Variants in SEMA4D observed in about 807,000 individuals in gnomAD.
The protein encoded by SEMA4D is semaphorin-4D.
SEMA4D carries 22 observed loss-of-function variants against 74.8 expected under a neutral mutation model. That is an observed-to-expected ratio of 0.29 (90% CI 0.21 to 0.42). SEMA4D has a LOEUF of 0.42. Ranked by LOEUF, SEMA4D falls within the 10% of genes least tolerant of loss-of-function variation. The probability of loss-of-function intolerance (pLI) is 1.00; values close to 1 mark genes in which losing one functional copy is unlikely to be tolerated. For synonymous variants in SEMA4D, 445 were observed against 463.7 expected (o/e 0.96, Z 0.52); for missense variants, 937 against 1,118.4 (o/e 0.84, Z 2.31).
chr9:89,400,440 G>A (rs1258322776), intron 4 of SEMA4D, among the ~76,000 whole-genome samples: 1 of 152,238 alleles, frequency 6.6e-6, no homozygotes, highest in Non-Finnish European at 1.5e-5. Flanking sequence ...TGTAGCAGGT[G>A]TCAGGACTCA....
chr9:89,423,806 T>G (rs893565479), intron 2 of SEMA4D, among the ~76,000 whole-genome samples: 1 of 105,612 alleles, frequency 9.5e-6, no homozygotes, highest in Non-Finnish European at 1.9e-5. Flanking sequence ...CTCCCTCCAC[T>G]AATCCCTCAG....
intron 2 of SEMA4D, among the ~76,000 whole-genome samples, chr9:89,442,557 C>T (rs1445089408): frequency 6.6e-6 from 1 of 152,176 alleles, no homozygotes; most frequent in African/African-American, 2.4e-5. Context: ...AATAAACCAT[C>T]TGCCTGGCCG....
chr9:89,449,683 G>A (rs933004790), intron 2 of SEMA4D: 69 of 1,511,378 alleles, frequency 4.6e-5, no homozygotes, highest in Non-Finnish European at 6.0e-5. Context: ...TCTAGCTCAG[G>A]TGTGTCAGTA....
chr9:89,479,204 A>G (rs1862544717), intron 1 of SEMA4D, among the ~76,000 whole-genome samples: 1 of 152,268 alleles, frequency 6.6e-6, no homozygotes, highest in African/African-American at 2.4e-5. Flanking sequence ...GGGAAGCCAC[A>G]TTGGGGGTCA....
intron 7 of SEMA4D, among the ~76,000 whole-genome samples, chr9:89,393,357 G>A (rs1051871676): frequency 3.3e-5 from 5 of 152,234 alleles, no homozygotes; most frequent in Admixed American, 6.5e-5. Context: ...ACAAAGTGAC[G>A]TTTACCATGG....
intron 1 of SEMA4D, among the ~76,000 whole-genome samples, chr9:89,483,733 G>A (rs1365344004): frequency 9.8e-6 from 1 of 101,692 alleles, no homozygotes; most frequent in Non-Finnish European, 2.2e-5. Flanking sequence ...GTGCATCTGT[G>A]TGCTGTGTGT....
chr9:89,456,908 T>C (rs1317177328), intron 1 of SEMA4D, among the ~76,000 whole-genome samples: 2 of 152,162 alleles, frequency 1.3e-5, no homozygotes, highest in East Asian at 1.9e-4. Flanking sequence ...TTTTAAATAA[T>C]GTCAGAAGTA....
intron 2 of SEMA4D, among the ~76,000 whole-genome samples, chr9:89,424,398 G>A (rs1243206631): frequency 6.6e-6 from 1 of 152,092 alleles, no homozygotes; most frequent in African/African-American, 2.4e-5. Flanking sequence ...AAACCATGAT[G>A]GTTTACTCTG....
At position 89,484,610 on chromosome 9, in the gene SEMA4D, G is replaced by A. The variant is rs1825009897; in HGVS notation, c.-310+13309C>T. 6.6e-6 allele frequency among the ~76,000 whole-genome samples: 1 copy of A among 151,368 alleles called. No individual in the cohort carries two copies. The highest frequency in any genetic ancestry group is 1.5e-5 in the Non-Finnish European group (1 of 67,820). ...TGTGTGTAGTATGGGGTGTTCCGTGGTGTGATGTGCGGTGTATGTATGCAG... is the reference window on the plus strand; with the variant it reads ...TGTGTGTAGTATGGGGTGTTCCGTGATGTGATGTGCGGTGTATGTATGCAG... On this transcript the variant is annotated intron_variant, in intron 1 of 15. Transcript: ENST00000422704. The surrounding 1 kb of genome is among the most constrained non-coding windows in gnomAD (Gnocchi z 4.1).
intron 13 of SEMA4D, chr9:89,385,129 C>T (rs930393337): frequency 1.5e-5 from 14 of 912,476 alleles, no homozygotes; most frequent in African/African-American, 1.8e-5. Context: ...TGGGAGATGG[C>T]GGGTGGGCAC....
In SEMA4D at chr9:89,409,063, G is replaced by A. The variant is rs376079906; in HGVS notation, c.-243-3364C>T. Among the ~76,000 whole-genome samples, 33 of 152,294 alleles carry A rather than the reference G, an allele frequency of 2.2e-4. No individual in the cohort carries two copies. In the East Asian group the frequency reaches 3.5e-3, roughly 16 times the overall value. ...GGGCAGGCGAGTGGGTATACAAACC[G>A]CTACATCCAGACAGGGGAACGTTAC... On this transcript the variant is annotated intron_variant, in intron 2 of 15. Transcript: ENST00000422704.
At chr9:89,450,094 G>A in intron 2 of SEMA4D, 2 of 1,238,264 alleles carry the variant, frequency 1.6e-6, no homozygotes, top group East Asian at 2.3e-5. Flanking sequence ...TTATTTAACT[G>A]CATGCCAATA....
chr9:89,458,827 C>A (rs1564864046), intron 1 of SEMA4D, among the ~76,000 whole-genome samples: 1 of 152,044 alleles, frequency 6.6e-6, no homozygotes, highest in Non-Finnish European at 1.5e-5. Context: ...CACACTCATA[C>A]ACACACGGAT....
At chr9:89,380,420 C>T (rs925056671) in intron 15 of SEMA4D, among the ~76,000 whole-genome samples, 1 of 152,210 alleles carries the variant, frequency 6.6e-6, no homozygotes, top group African/African-American at 2.4e-5. Context: ...GAGCCTTGAA[C>T]CCCTGGGCAC....
chr9:89,406,227 A>C (rs1843302978), intron 2 of SEMA4D, among the ~76,000 whole-genome samples: 1 of 152,158 alleles, frequency 6.6e-6, no homozygotes, highest in South Asian at 2.1e-4. Flanking sequence ...ACACACATGC[A>C]CGGATGTACA....
rs373564317 is a variant in SEMA4D, at chr9:89,388,890, G to A, written c.932C>T (p.Ala311Val). Residue 311 changes from alanine (A) to valine (V), a missense_variant, in exon 10 of 16, where the codon GCA becomes GTA. By Grantham distance (64) the Ala-to-Val change is moderately conservative. Coordinates refer to ENST00000422704, the MANE Select transcript of SEMA4D (RefSeq NM_001371194.2). ...CACTTACAGCTGTGGGGTGAAGAGTGCATAGAACACAGGCACCTTCAGGCC... is the reference window on the plus strand; with the variant it reads ...CACTTACAGCTGTGGGGTGAAGAGTACATAGAACACAGGCACCTTCAGGCC... ...SPGLKVPVFY[A>V]LFTPQLNNVG... 7 of 1,614,140 alleles carry A rather than the reference G, an allele frequency of 4.3e-6. No individual in the cohort carries two copies. The highest frequency in any genetic ancestry group is 5.9e-6 in the Non-Finnish European group (7 of 1,180,020).
chr9:89,396,510 G>C (rs1446739536), intron 6 of SEMA4D, among the ~76,000 whole-genome samples: 3 of 152,204 alleles, frequency 2.0e-5, no homozygotes, highest in Non-Finnish European at 4.4e-5. Flanking sequence ...CTCACCCTTG[G>C]CCATGGACAC....
intron 2 of SEMA4D, among the ~76,000 whole-genome samples, chr9:89,441,034 G>A (rs1851558167): frequency 6.6e-6 from 1 of 152,246 alleles, no homozygotes; most frequent in South Asian, 2.1e-4. Flanking sequence ...CACCCAGGGA[G>A]TCCTTCTAAG....
chr9:89,369,530 CTG>C (rs1417476915), intron 16 of SEMA4D: 1 of 152,266 alleles, frequency 6.6e-6, no homozygotes, highest in African/African-American at 2.4e-5. Context: ...CGATCTGTTT[CTG>C]TGTGTGCACA....
Sources: allele counts gnomAD v4.1 joint callset (sites outside exome capture counted in the v4.1 genomes callset), GRCh38; gene constraint gnomAD v4.1.1; non-coding constraint Gnocchi (gnomAD v3.1); transcripts MANE v1.5; gene names NCBI Gene and HGNC (gene_info 2026-07-23, HGNC 2026-07-21).